CALN1: variants seen among roughly 807,000 people sequenced by gnomAD.
CALN1 encodes the protein calcium-binding protein 8.
CALN1 carries 17 observed loss-of-function variants against 30.6 expected under a neutral mutation model. That is an observed-to-expected ratio of 0.56 (90% confidence interval 0.38 to 0.83). CALN1 has a LOEUF of 0.83. Ranked by LOEUF, CALN1 falls within the 40% of genes least tolerant of loss-of-function variation. The pLI, the probability that CALN1 is intolerant of heterozygous loss-of-function variation, is 0.00. For missense variants in CALN1, 291 were observed against 354.9 expected (o/e 0.82, Z 1.45); for synonymous variants, 156 against 131.4 (o/e 1.19, Z -1.28).
chr7:71,925,483 T>G (rs1203523252), intron 5 of CALN1, among the ~76,000 whole-genome samples: 4 of 143,834 alleles, frequency 2.8e-5, no homozygotes, highest in Admixed American at 2.2e-4. Flanking sequence ...TCCTATTTTT[T>G]GGGTTTTTTT....
chr7:71,955,582 C>T (rs949082237), intron 5 of CALN1, among the ~76,000 whole-genome samples: 6 of 152,016 alleles, frequency 3.9e-5, no homozygotes, highest in African/African-American at 1.4e-4. Context: ...CCAAAATGAA[C>T]GCTTTCCCCA....
At chr7:72,144,540 C>T (rs1229513480) in intron 3 of CALN1, among the ~76,000 whole-genome samples, 1 of 152,102 alleles carries the variant, frequency 6.6e-6, no homozygotes. Context: ...TTTAACACTC[C>T]ACTGTCAACA....
chr7:72,448,522 T>C (rs66520065), upstream of CALN1, among the ~76,000 whole-genome samples: 25,149 of 152,006 alleles, frequency 0.17, 2,264 homozygotes, highest in Non-Finnish European at 0.19. Flanking sequence ...CACCTCATCC[T>C]CACAATAGCT....
intron 3 of CALN1, among the ~76,000 whole-genome samples, chr7:72,219,932 T>C (rs1793151201): frequency 6.6e-6 from 1 of 151,930 alleles, no homozygotes; most frequent in African/African-American, 2.4e-5. Flanking sequence ...ACACATTGAT[T>C]AGCCTCCTAT....
intron 2 of CALN1, among the ~76,000 whole-genome samples, chr7:72,304,422 T>G (rs1429844183): frequency 6.6e-6 from 1 of 152,084 alleles, no homozygotes; most frequent in Non-Finnish European, 1.5e-5. Context: ...AAGGGGGGAT[T>G]GCCTGAGCCC....
intron 3 of CALN1, among the ~76,000 whole-genome samples, chr7:72,222,987 ATCCAG>A (rs369733127): frequency 0.012 from 1,860 of 152,222 alleles, 31 homozygotes; most frequent in African/African-American, 0.042. Flanking sequence ...CACCACTGCA[ATCCAG>A]TCTGGGTGAC....
intron 2 of CALN1, among the ~76,000 whole-genome samples, chr7:72,354,887 TTC>T (rs752123079): frequency 2.9e-4 from 43 of 149,138 alleles, no homozygotes; most frequent in South Asian, 1.5e-3. Flanking sequence ...AAGCAAAAAT[TTC>T]TTTTTTTTTT....
At chr7:72,278,927 A>C in intron 2 of CALN1, 117 bp from the exon 3 acceptor site, 1 of 1,359,622 alleles carries the variant, frequency 7.4e-7, no homozygotes, top group Non-Finnish European at 1.0e-6. Flanking sequence ...AAATAGCAGT[A>C]ATATTTCTAG....
intron 4 of CALN1, among the ~76,000 whole-genome samples, chr7:72,045,345 T>C (rs891130171): frequency 4.6e-5 from 7 of 152,234 alleles, no homozygotes; most frequent in Non-Finnish European, 1.0e-4. Context: ...CTTGGATTAC[T>C]AGGAAGTCTG....
At chr7:71,979,477 A>G (rs1425869036) in intron 5 of CALN1, among the ~76,000 whole-genome samples, 3 of 152,104 alleles carry the variant, frequency 2.0e-5, no homozygotes, top group African/African-American at 2.4e-5. Context: ...CGCAGTTCAC[A>G]ATAGGGTTTA....
rs145805839 is a variant in CALN1, at chr7:71,823,082, TGACA to T, written c.502-12594_502-12591del. 2.9e-3 allele frequency among the ~76,000 whole-genome samples: 436 copies of T among 152,336 alleles called. 1 individual carries two copies. Among genetic ancestry groups the T allele is most frequent in the Middle Eastern group, 6.8e-3 (2 of 294 alleles). Reference sequence around the variant, plus strand: ...ATAATACCTTTCTCCCCTTCTCTCATGACAGACAATTTATTCTGACATAAAATTC... The same window carrying T: ...ATAATACCTTTCTCCCCTTCTCTCATGACAATTTATTCTGACATAAAATTC... On this transcript the variant is annotated intron_variant, in intron 5 of 6. Transcript: ENST00000395275.
intron 5 of CALN1, among the ~76,000 whole-genome samples, chr7:72,010,577 C>T (rs371846895): frequency 5.3e-5 from 8 of 150,828 alleles, no homozygotes; most frequent in Admixed American, 3.3e-4. Flanking sequence ...TTTGGGAGGC[C>T]GAGGTGGGCG....
chr7:72,337,084 G>A, intron 2 of CALN1: 1 of 985,794 alleles, frequency 1.0e-6, no homozygotes, highest in Non-Finnish European at 1.2e-6. Context: ...CGCGGGTTCA[G>A]CCCATGTGCG....
intron 5 of CALN1, among the ~76,000 whole-genome samples, chr7:71,830,030 T>A (rs1353870058): frequency 1.1e-5 from 1 of 87,408 alleles, no homozygotes; most frequent in Non-Finnish European, 2.2e-5. Flanking sequence ...CATGAGTAAG[T>A]TCCTTTTTTT....
the CALN1 span, among the ~76,000 whole-genome samples, chr7:72,501,908 CAA>C: frequency 0.029 from 702 of 24,614 alleles, 11 homozygotes; most frequent in Middle Eastern, 0.083. Context: ...GATTTCGTCT[CAA>C]AAAAAAAAAA....
intron 2 of CALN1, among the ~76,000 whole-genome samples, chr7:72,333,370 A>G (rs1176734076): frequency 2.0e-5 from 3 of 152,246 alleles, no homozygotes; most frequent in African/African-American, 7.2e-5. Flanking sequence ...TGAATGTTAA[A>G]TGATTAAAAA....
chr7:71,871,044 CA>C (rs896025256), intron 5 of CALN1, among the ~76,000 whole-genome samples: 1 of 148,200 alleles, frequency 6.7e-6, no homozygotes, highest in Non-Finnish European at 1.5e-5. Flanking sequence ...AATGATTAAG[CA>C]AAAAAAAGAA....
chr7:72,279,060 C>T (rs1041543030), intron 2 of CALN1, among the ~76,000 whole-genome samples: 1 of 152,116 alleles, frequency 6.6e-6, no homozygotes, highest in Non-Finnish European at 1.5e-5. Context: ...TGAATTTGAA[C>T]GATGTTGTCC....
At chr7:72,410,617 T>C (rs1807057539) in intron 1 of CALN1, among the ~76,000 whole-genome samples, 4 of 152,214 alleles carry the variant, frequency 2.6e-5, no homozygotes, top group African/African-American at 9.6e-5. Flanking sequence ...CTAATGTCCC[T>C]TCATGTCCTG....
Sources: gnomAD v4.1 joint callset for allele counts (sites outside exome capture counted in the v4.1 genomes callset) on GRCh38, gnomAD v4.1.1 for gene constraint, MANE v1.5 for transcripts, NCBI Gene and HGNC (gene_info 2026-07-23, HGNC 2026-07-21) for gene names.